The following REPS2 variants were observed in gnomAD, a reference collection of about 807,000 sequenced individuals.
REPS2 encodes the protein RALBP1 associated Eps domain containing 2, also known as ralBP1-associated Eps domain-containing protein 2.
REPS2 carries 23 observed loss-of-function variants against 53.6 expected under a neutral mutation model. The observed-to-expected ratio is 0.43, with a 90% CI of 0.31 to 0.61. REPS2 has a LOEUF of 0.61. REPS2 is among the 20% of genes least tolerant of loss of function. The pLI is 0.11. For missense variants in REPS2, 446 were observed against 534.9 expected (o/e 0.83, Z 1.64); for synonymous variants, 238 against 218.6 (o/e 1.09, Z -0.78).
At chrX:17,071,955 A>G (rs2062312832) in intron 11 of REPS2, among the ~76,000 whole-genome samples, 1 of 111,801 alleles carries the variant, frequency 8.9e-6, no homozygotes, top group Non-Finnish European at 1.9e-5. Flanking sequence ...AACCTAATTC[A>G]GCAGAGCACC....
At chrX:17,175,808 G>C in the REPS2 span, among the ~76,000 whole-genome samples, 16 of 112,423 alleles carry the variant, frequency 1.4e-4, no homozygotes, top group East Asian at 2.8e-4. Flanking sequence ...GGTCCCTTCT[G>C]TCTGAGGCTC....
chrX:17,076,120 T>C (rs2062377819), intron 12 of REPS2, among the ~76,000 whole-genome samples: 1 of 111,974 alleles, frequency 8.9e-6, no homozygotes, highest in Non-Finnish European at 1.9e-5. Context: ...CCACAAAGAA[T>C]CCTTGAGAAA....
chrX:17,015,415 TTTA>T (rs900575258), intron 2 of REPS2, among the ~76,000 whole-genome samples: 3 of 111,731 alleles, frequency 2.7e-5, no homozygotes, highest in African/African-American at 6.5e-5. Context: ...TAAATTTTAT[TTTA>T]TTATTATTAT....
At chrX:16,998,191 A>G (rs1176379837) in intron 1 of REPS2, among the ~76,000 whole-genome samples, 2 of 111,894 alleles carry the variant, frequency 1.8e-5, no homozygotes, top group East Asian at 2.8e-4. Flanking sequence ...TGAGGCTGCA[A>G]TGAGCTGTGA....
chrX:16,975,439 G>A (rs968092284), intron 1 of REPS2, among the ~76,000 whole-genome samples: 2 of 110,831 alleles, frequency 1.8e-5, no homozygotes, highest in South Asian at 7.6e-4. Context: ...TCTCATTGTG[G>A]TTTTGATTTG....
intron 1 of REPS2, among the ~76,000 whole-genome samples, chrX:16,954,880 G>A (rs991183752): frequency 4.9e-4 from 49 of 100,679 alleles, no homozygotes; most frequent in African/African-American, 1.5e-3. Flanking sequence ...GCGCAAGGTC[G>A]GCTCACTGCA....
chrX:17,027,169 T>C (rs2061655555), intron 4 of REPS2, among the ~76,000 whole-genome samples: 1 of 111,578 alleles, frequency 9.0e-6, no homozygotes, highest in African/African-American at 3.3e-5. Flanking sequence ...TGATCAGTAA[T>C]TGAACATATC....
intron 13 of REPS2, among the ~76,000 whole-genome samples, chrX:17,077,959 C>A (rs1368367980): frequency 8.9e-6 from 1 of 112,205 alleles, no homozygotes; most frequent in Non-Finnish European, 1.9e-5. Flanking sequence ...CTGCTCTGGG[C>A]TTCTGGGGAT....
At chrX:17,195,475 A>G in the REPS2 span, among the ~76,000 whole-genome samples, 196 of 112,208 alleles carry the variant, frequency 1.7e-3, no homozygotes, top group Non-Finnish European at 2.1e-3. Flanking sequence ...GGGGATAAAA[A>G]TCATTTTGGC....
At chrX:17,041,713 C>A (rs2061832023) in intron 5 of REPS2, among the ~76,000 whole-genome samples, 1 of 112,017 alleles carries the variant, frequency 8.9e-6, no homozygotes, top group Admixed American at 9.5e-5. Context: ...CATTACCCCT[C>A]ATAGGTGAAA....
At chrX:17,190,069 A>G in the REPS2 span, among the ~76,000 whole-genome samples, 2 of 112,199 alleles carry the variant, frequency 1.8e-5, no homozygotes, top group African/African-American at 6.5e-5. Context: ...AGTATGCCGT[A>G]TGGGAGATGG....
chrX:17,022,052 C>A, intron 2 of REPS2, 71 bp from the exon 3 acceptor site: 1 of 965,392 alleles, frequency 1.0e-6, no homozygotes, highest in Non-Finnish European at 1.4e-6. Flanking sequence ...ATCGTTTGGC[C>A]ATTGAGTTCC....
the REPS2 span, among the ~76,000 whole-genome samples, chrX:17,170,754 A>C: frequency 2.7e-5 from 3 of 112,663 alleles, no homozygotes; most frequent in Non-Finnish European, 5.6e-5. Context: ...ACTTCTGGTC[A>C]CTTGGGGAAA....
chrX:17,122,884 A>G (rs934850664), intron 14 of REPS2, among the ~76,000 whole-genome samples: 1 of 112,318 alleles, frequency 8.9e-6, no homozygotes, highest in African/African-American at 3.2e-5. Context: ...GTCGGAAAGG[A>G]TGTTACTCTA....
At chrX:16,999,389 T>TTTTG (rs2061271848) in intron 1 of REPS2, among the ~76,000 whole-genome samples, 1 of 107,208 alleles carries the variant, frequency 9.3e-6, no homozygotes, top group South Asian at 4.1e-4. Context: ...TTTTTTTTTT[T>TTTTG]TTTGCACAGA....
intron 14 of REPS2, among the ~76,000 whole-genome samples, chrX:17,130,360 G>T (rs1363763357): frequency 2.7e-5 from 3 of 111,795 alleles, no homozygotes; most frequent in African/African-American, 9.8e-5. Flanking sequence ...ATTGACCTTA[G>T]TGTTCTTGTG....
chrX:16,947,048 G>A lies in REPS2; in HGVS notation c.187G>A (p.Val63Ile). ...GTCTGGGCCCCCCGAGGCCGCCAGA[G>A]TCGCCCCCGGCACGGCCACTGCGGC... Reference protein sequence around the residue: ...PGSGPPEAARVAPGTATAAAG... With the variant: ...PGSGPPEAARIAPGTATAAAG... The change falls in exon 1 of 18, where the codon GTC (valine) becomes ATC (isoleucine). Residue 63 changes from valine to isoleucine, a missense_variant. Coordinates refer to ENST00000357277, the MANE Select transcript of REPS2 (RefSeq NM_004726.3). 5 of 1,020,329 alleles carry A rather than the reference G, an allele frequency of 4.9e-6. No homozygotes were observed. The highest frequency in any genetic ancestry group is 6.2e-6 in the Non-Finnish European group (5 of 804,430). 84.1% of individuals were successfully genotyped at this position (1,020,329 alleles called of 1,213,427 possible).
At chrX:17,163,145 C>CA in the REPS2 span, among the ~76,000 whole-genome samples, 1 of 111,145 alleles carries the variant, frequency 9.0e-6, no homozygotes, top group African/African-American at 3.3e-5. Context: ...GTTGTCTCAC[C>CA]AAATAGAGAA....
chrX:16,962,137 T>C (rs1172166798), intron 1 of REPS2, among the ~76,000 whole-genome samples: 1 of 111,683 alleles, frequency 9.0e-6, no homozygotes, highest in Non-Finnish European at 1.9e-5. Flanking sequence ...CTGCTGGATA[T>C]GTACCTAAAG....
Sources: gnomAD v4.1 joint callset for allele counts (sites outside exome capture counted in the v4.1 genomes callset) on GRCh38, gnomAD v4.1.1 for gene constraint, MANE v1.5 for transcripts, NCBI Gene and HGNC (gene_info 2026-07-23, HGNC 2026-07-21) for gene names.